ECHS1: variants seen among roughly 807,000 people sequenced by gnomAD.
ECHS1 encodes enoyl-CoA hydratase, mitochondrial.
Under a neutral mutation model 33.5 loss-of-function variants are expected in ECHS1, and 19 were observed. The observed-to-expected ratio is 0.57, with a 90% CI of 0.40 to 0.83. The LOEUF is 0.83. ECHS1 is among the 40% of genes least tolerant of loss of function. The pLI, the probability that ECHS1 is intolerant of heterozygous loss-of-function variation, is 0.00. For synonymous variants in ECHS1, 158 were observed against 146.6 expected, an observed-to-expected ratio of 1.08 and a Z score of -0.56; for missense variants, 365 against 381.3, an observed-to-expected ratio of 0.96 and a Z score of 0.36.
At chr10:133,368,263 G>A (rs547800809) in intron 4 of ECHS1, among the ~76,000 whole-genome samples, 9 of 152,258 alleles carry the variant, frequency 5.9e-5, no homozygotes, top group East Asian at 3.9e-4. Flanking sequence ...CCCAGGCACT[G>A]GTCCCTTATA....
intron 1 of ECHS1, among the ~76,000 whole-genome samples, chr10:133,371,890 G>A (rs1309678771): frequency 1.3e-5 from 2 of 152,148 alleles, no homozygotes; most frequent in African/African-American, 2.4e-5. Flanking sequence ...TCTGCCTACA[G>A]GGTTCAGGTG....
In ECHS1 at chr10:133,362,821, GCA is replaced by G; in HGVS notation, c.*45_*46del. On this transcript the variant is annotated 3_prime_UTR_variant, in exon 8 of 8. Transcript: ENST00000368547. ...TACTTGCTTCTAAAACTGACAGGCT[GCA>G]CTTGTCCTCTCCAAGCAGAGGTGTG... 1 of 1,585,416 alleles carries G rather than the reference GCA, an allele frequency of 6.3e-7. No homozygotes were observed. Among genetic ancestry groups the G allele is most frequent in the Non-Finnish European group, 8.7e-7 (1 of 1,153,930 alleles).
rs1314972429 is a variant in ECHS1, at chr10:133,370,650, T to C, written c.196A>G (p.Ile66Val). 7 of 1,613,004 alleles carry C rather than the reference T, an allele frequency of 4.3e-6. No individual in the cohort carries two copies. In the South Asian group the frequency reaches 7.7e-5, roughly 18 times the overall value. ...TTCAGGGCCTGGTTGAGCTCGTCAA[T>C]CAGGCCATCGCAAAGTGCATTGAGG... ...KALNALCDGL[I>V]DELNQALKTF... Residue 66 changes from isoleucine to valine, a missense_variant, in exon 2 of 8, where the codon ATT becomes GTT. By Grantham distance (29) the Ile-to-Val change is conservative. Coordinates refer to ENST00000368547, the MANE Select transcript of ECHS1 (RefSeq NM_004092.4).
chr10:133,372,884 G>A (rs1307393118), intron 1 of ECHS1, among the ~76,000 whole-genome samples: 11 of 120,868 alleles, frequency 9.1e-5, no homozygotes, highest in Non-Finnish European at 3.5e-5. Flanking sequence ...AGGAGAGTGC[G>A]GAGTCAGGCC....
At chr10:133,363,009 T>G in intron 7 of ECHS1, 76 bp from the exon 8 acceptor site, 1 of 1,541,544 alleles carries the variant, frequency 6.5e-7, no homozygotes, top group Non-Finnish European at 8.9e-7. Context: ...TCCGCCCGTC[T>G]CTCCCTGGCT....
chr10:133,365,919 G>A, intron 6 of ECHS1, 57 bp downstream of exon 6: 1 of 1,600,200 alleles, frequency 6.2e-7, no homozygotes, highest in East Asian at 2.2e-5. Flanking sequence ...CTGCTGCTGA[G>A]GAATGCTCCT....
intron 1 of ECHS1, among the ~76,000 whole-genome samples, chr10:133,372,362 CG>C (rs1365040980): frequency 3.3e-5 from 5 of 152,164 alleles, no homozygotes; most frequent in African/African-American, 1.2e-4. Flanking sequence ...AGTGGGGCCC[CG>C]GGTGAGCCAC....
intron 5 of ECHS1, 145 bp from the exon 6 acceptor site, chr10:133,366,240 C>T (rs1589880582): frequency 1.1e-5 from 10 of 881,424 alleles, no homozygotes; most frequent in Admixed American, 5.2e-5. Context: ...CGGGAAGTGC[C>T]GCACGTGCCC....
Position 133,370,693 on chromosome 10 carries a change from T to C in ECHS1, c.153A>G (p.Gln51=), listed in dbSNP as rs1454409884. The change falls in exon 2 of 8, where the codon CAA becomes CAG. Residue 51 remains glutamine, a synonymous_variant. Coordinates refer to ENST00000368547, the MANE Select transcript of ECHS1 (RefSeq NM_004092.4). ...RGKNNTVGLI[Q]LNRPKALNAL... ...CATTGAGGGCCTTGGGGCGGTTCAG[T>C]TGGATCAACCCCACGGTGTTATTCT... The C allele has an allele frequency of 5.6e-6, 9 of 1,613,306 alleles. No individual in the cohort carries two copies. Among genetic ancestry groups the C allele is most frequent in the Non-Finnish European group, 7.6e-6 (9 of 1,179,838 alleles).
chr10:133,372,209 G>A (rs1488296401), intron 1 of ECHS1, among the ~76,000 whole-genome samples: 1 of 152,238 alleles, frequency 6.6e-6, no homozygotes, highest in Non-Finnish European at 1.5e-5. Flanking sequence ...CGAAGGCCAA[G>A]GAGAGCATGG....
At position 133,362,509 on chromosome 10, in the gene ECHS1, T is replaced by C. The variant is rs529952344; in HGVS notation, c.*359A>G. 2 of 313,462 alleles carry C rather than the reference T, an allele frequency of 6.4e-6. No homozygotes were observed. The highest frequency in any genetic ancestry group is 4.2e-5 in the African/African-American group (2 of 47,196). The allele number at this position is 313,462 out of a possible 1,614,324, so 19.4% of individuals were successfully genotyped here. A position where few individuals can be genotyped will look rare whatever the true frequency, so the allele number is the denominator to read the frequency against. ...GTAATCTGAATCGCTATCACTTTAA[T>C]CAGCATCTGTATGAAGGCAGCAGAC... On this transcript the variant is annotated 3_prime_UTR_variant, in exon 8 of 8. Transcript: ENST00000368547.
chr10:133,362,840 A>G lies in ECHS1; in HGVS notation c.*28T>C, dbSNP rs767247598. ...CAGGCTGCACTTGTCCTCTCCAAGC[A>G]GAGGTGTGAAGCAGGGGCAGCTGGT... On this transcript the variant is annotated 3_prime_UTR_variant, in exon 8 of 8. Coordinates refer to ENST00000368547, the MANE Select transcript of ECHS1 (RefSeq NM_004092.4). 1.7e-5 allele frequency: 27 copies of G among 1,612,116 alleles called. No homozygotes were observed. Among genetic ancestry groups the G allele is most frequent in the Non-Finnish European group, 2.2e-5 (26 of 1,178,290 alleles).
At chr10:133,363,792 G>A (rs112309326) in intron 7 of ECHS1, among the ~76,000 whole-genome samples, 3,782 of 152,190 alleles carry the variant, frequency 0.025, 147 homozygotes, top group African/African-American at 0.085. Flanking sequence ...TCAAAGGGAA[G>A]AAAATTAAAA....
intron 1 of ECHS1, among the ~76,000 whole-genome samples, chr10:133,372,504 G>A (rs1485359820): frequency 2.0e-5 from 3 of 152,222 alleles, no homozygotes; most frequent in Admixed American, 1.3e-4. Context: ...TTCTCGGGCT[G>A]GCCGGCTGCA....
chr10:133,366,757 G>A (rs1331855644), intron 5 of ECHS1, 132 bp downstream of exon 5: 1 of 662,066 alleles, frequency 1.5e-6, no homozygotes, highest in Non-Finnish European at 2.7e-6. Context: ...CACCCATGAG[G>A]GGGACACCTG....
chr10:133,365,035 G>A (rs1289719139), intron 6 of ECHS1, among the ~76,000 whole-genome samples: 6 of 152,216 alleles, frequency 3.9e-5, no homozygotes, highest in Non-Finnish European at 5.9e-5. Flanking sequence ...AGGCGGCAAC[G>A]GGGCTGCAAA....
intron 3 of ECHS1, 79 bp from the exon 4 acceptor site, chr10:133,369,101 C>T: frequency 1.4e-6 from 2 of 1,397,520 alleles, no homozygotes; most frequent in Admixed American, 3.7e-5. Flanking sequence ...TTCAAATTTT[C>T]CATTTAAAAG....
chr10:133,369,970 G>A lies in ECHS1; in HGVS notation c.348C>T (p.Phe116=), dbSNP rs1415279085. 1.2e-6 allele frequency: 2 copies of A among 1,613,832 alleles called. No homozygotes were observed. The highest frequency in any genetic ancestry group is 2.2e-5 in the East Asian group (1 of 44,900). Residue 116 remains phenylalanine (F), a synonymous_variant, in exon 3 of 8, where the codon TTC becomes TTT. Coordinates refer to ENST00000368547, the MANE Select transcript of ECHS1 (RefSeq NM_004092.4). The part of the protein sequence containing the change: ...LSFQDCYSSK[F]LKHWDHLTQV... ...GGGTGAGGTGGTCCCAGTGCTTCAAGAACTTGCTGGAGTAACAGTCCTGGA... is the reference window on the plus strand; with the variant it reads ...GGGTGAGGTGGTCCCAGTGCTTCAAAAACTTGCTGGAGTAACAGTCCTGGA...
intron 1 of ECHS1, among the ~76,000 whole-genome samples, chr10:133,371,349 T>C (rs1337366187): frequency 1.3e-5 from 2 of 152,098 alleles, no homozygotes; most frequent in Non-Finnish European, 2.9e-5. Flanking sequence ...CTTCTCCTAA[T>C]ATGCCTTGGT....
Sources: gnomAD v4.1 joint callset for allele counts (sites outside exome capture counted in the v4.1 genomes callset) on GRCh38, gnomAD v4.1.1 for gene constraint, MANE v1.5 for transcripts, NCBI Gene and HGNC (gene_info 2026-07-23, HGNC 2026-07-21) for gene names.